Variants in SMIM18 observed in about 807,000 individuals in gnomAD.
The protein encoded by SMIM18 is small integral membrane protein 18.
In SMIM18, 4 loss-of-function variants were observed where a neutral mutation model predicts 5.9. That is an observed-to-expected ratio of 0.68 (90% CI 0.33 to 1.56). The LOEUF (loss-of-function observed/expected upper bound fraction) is 1.56, where lower values mean the gene tolerates loss of function less well. Ranked by LOEUF, SMIM18 falls within the 40% of genes most tolerant of loss-of-function variation. The pLI is 0.06. For synonymous variants in SMIM18, 37 were observed against 37.4 expected (o/e 0.99, Z 0.04); for missense variants, 89 against 109.7 (o/e 0.81, Z 0.84).
At chr8:30,643,153 T>C (rs553608706) in intron 1 of SMIM18, among the ~76,000 whole-genome samples, 1 of 152,046 alleles carries the variant, frequency 6.6e-6, no homozygotes, top group Non-Finnish European at 1.5e-5. Context: ...AACAAAAAAA[T>C]TTAAGGAATT....
chr8:30,644,033 TTC>T (rs772527724), intron 1 of SMIM18, among the ~76,000 whole-genome samples: 54 of 152,340 alleles, frequency 3.5e-4, no homozygotes, highest in Non-Finnish European at 3.5e-4. Flanking sequence ...ACTACATTTT[TTC>T]TCTTATTTCC....
intron 2 of SMIM18, among the ~76,000 whole-genome samples, chr8:30,644,851 A>C (rs929627597): frequency 1.3e-5 from 2 of 151,880 alleles, no homozygotes; most frequent in Non-Finnish European, 2.9e-5. Flanking sequence ...CCCTGGCTCA[A>C]GCAATCTTCC....
At chr8:30,639,274 T>C (rs16877230) in intron 1 of SMIM18, among the ~76,000 whole-genome samples, 260 of 152,320 alleles carry the variant, frequency 1.7e-3, no homozygotes, top group African/African-American at 6.0e-3. Flanking sequence ...AGATAATTTA[T>C]ACAGCTTCAG....
intron 2 of SMIM18, 93 bp downstream of exon 2, chr8:30,644,665 A>T (rs547075794): frequency 1.3e-5 from 2 of 152,342 alleles, no homozygotes; most frequent in South Asian, 4.1e-4. Flanking sequence ...TGTAGATAAC[A>T]GCTCACTGAC....
chr8:30,645,276 T>A lies in SMIM18; in HGVS notation c.-29-5T>A. On this transcript the variant is annotated splice_polypyrimidine_tract_variant and splice_region_variant and intron_variant, in intron 2 of 2. Transcript: ENST00000517349. The stretch of plus-strand genomic sequence containing the variant: ...ACATAAATTCATTTTCTACCTTTTT[T>A]ATAGATTCAAAAGAGCAAGTGGAAT... 1 of 1,508,130 alleles carries A rather than the reference T, an allele frequency of 6.6e-7. No homozygotes were observed. Among genetic ancestry groups the A allele is most frequent in the Non-Finnish European group, 8.8e-7 (1 of 1,136,416 alleles). 93.4% of individuals were successfully genotyped at this position (1,508,130 alleles called of 1,614,324 possible). A position where few individuals can be genotyped will look rare whatever the true frequency, so the allele number is the denominator to read the frequency against.
chr8:30,644,686 A>G (rs956713047), intron 2 of SMIM18, 114 bp downstream of exon 2: 2 of 152,250 alleles, frequency 1.3e-5, no homozygotes, highest in Non-Finnish European at 2.9e-5. Context: ...CACTGCTTTA[A>G]TCAAGTTTTA....
In SMIM18 at chr8:30,645,963, G is replaced by A. The variant is rs886661789; in HGVS notation, c.*366G>A. 1 of 168,736 alleles carries A rather than the reference G, an allele frequency of 5.9e-6. No homozygotes were observed. Among genetic ancestry groups the A allele is most frequent in the Admixed American group, 6.1e-5 (1 of 16,410 alleles). The allele number at this position is 168,736 out of a possible 1,614,324, so 10.5% of individuals were successfully genotyped here. On this transcript the variant is annotated 3_prime_UTR_variant, in exon 3 of 3. Transcript: ENST00000517349. ...AATTCATGTAGACAAAAAATAGTGT[G>A]TTGGTAACAAAAAGGCTATTTAAAA...
intron 1 of SMIM18, among the ~76,000 whole-genome samples, chr8:30,639,867 T>C (rs1801752572): frequency 6.6e-6 from 1 of 152,074 alleles, no homozygotes. Context: ...TGTAATAAGA[T>C]ACTAGATCTG....
At chr8:30,642,470 T>C (rs1801880547) in intron 1 of SMIM18, among the ~76,000 whole-genome samples, 1 of 152,174 alleles carries the variant, frequency 6.6e-6, no homozygotes, top group Non-Finnish European at 1.5e-5. Flanking sequence ...ATAGATGATT[T>C]ACTTTGGTTT....
chr8:30,645,586 G>A lies in SMIM18; in HGVS notation c.277G>A (p.Glu93Lys). ...GGACAACATCAGAAAACGTGAAACTGAAGTGGTCTAACACTCTATAGAAGA... is the reference window on the plus strand; with the variant it reads ...GGACAACATCAGAAAACGTGAAACTAAAGTGGTCTAACACTCTATAGAAGA... ...MMDNIRKRET[E>K]VV The change falls in exon 3 of 3, where the codon GAA becomes AAA. Residue 93 changes from glutamate (E) to lysine (K), a missense_variant. Coordinates refer to ENST00000517349, the MANE Select transcript of SMIM18 (RefSeq NM_001206847.2). 2.0e-6 allele frequency: 3 copies of A among 1,535,546 alleles called. No individual in the cohort carries two copies. Among genetic ancestry groups the A allele is most frequent in the Non-Finnish European group, 2.6e-6 (3 of 1,146,852 alleles).
chr8:30,645,364 T>C lies in SMIM18; in HGVS notation c.55T>C (p.Phe19Leu). 6.5e-7 allele frequency: 1 copy of C among 1,535,686 alleles called. No individual in the cohort carries two copies. The highest frequency in any genetic ancestry group is 8.7e-7 in the Non-Finnish European group (1 of 1,146,902). The change falls in exon 3 of 3, where the codon TTT (phenylalanine) becomes CTT (leucine). Residue 19 changes from phenylalanine (F) to leucine (L), a missense_variant. Coordinates refer to ENST00000517349, the MANE Select transcript of SMIM18 (RefSeq NM_001206847.2). The part of the protein sequence containing the change: ...TTTSVYQYLG[F>L]QVQKIYPFHD... The stretch of plus-strand genomic sequence containing the variant: ...TACCTCTGTTTATCAGTACCTTGGT[T>C]TTCAAGTTCAAAAAATTTACCCTTT...
intron 1 of SMIM18, among the ~76,000 whole-genome samples, chr8:30,640,530 T>A (rs368370279): frequency 6.6e-6 from 1 of 152,218 alleles, no homozygotes; most frequent in Non-Finnish European, 1.5e-5. Context: ...CCCATTCCTG[T>A]AATCAAATTT....
At chr8:30,645,190 T>C in intron 2 of SMIM18, 91 bp from the exon 3 acceptor site, 5 of 1,097,708 alleles carry the variant, frequency 4.6e-6, no homozygotes, top group Non-Finnish European at 6.3e-6. Context: ...TCATGTTGCC[T>C]ATACAAATTT....
chr8:30,643,746 C>T (rs1022670525), intron 1 of SMIM18: 10 of 150,654 alleles, frequency 6.6e-5, no homozygotes, highest in African/African-American at 2.4e-4. Flanking sequence ...AAGATTTCTT[C>T]AGAGAGTAAT....
chr8:30,642,296 CA>C (rs33951211), intron 1 of SMIM18, among the ~76,000 whole-genome samples: 36 of 129,842 alleles, frequency 2.8e-4, no homozygotes, highest in Admixed American at 6.4e-4. Flanking sequence ...GGAGAAAAGC[CA>C]AAAAAAAAAA....
At chr8:30,645,147 A>C in intron 2 of SMIM18, 134 bp from the exon 3 acceptor site, 1 of 799,972 alleles carries the variant, frequency 1.3e-6, no homozygotes, top group Non-Finnish European at 1.9e-6. Flanking sequence ...AAAAAAATTC[A>C]AAACTACCAT....
In SMIM18 at chr8:30,645,803, G is replaced by T; in HGVS notation, c.*206G>T. ...ATATACAGTAAAACTTCATGAATGT[G>T]AATTTACTAATCTGTTTAATACTGA... On this transcript the variant is annotated 3_prime_UTR_variant, in exon 3 of 3. Coordinates refer to ENST00000517349, the MANE Select transcript of SMIM18 (RefSeq NM_001206847.2). The T allele has an allele frequency of 1.9e-6, 1 of 537,912 alleles. No individual in the cohort carries two copies. The allele number at this position is 537,912 out of a possible 1,614,324, so 33.3% of individuals were successfully genotyped here. A position where few individuals can be genotyped will look rare whatever the true frequency, so the allele number is the denominator to read the frequency against.
chr8:30,645,729 GAA>G lies in SMIM18; in HGVS notation c.*139_*140del. On this transcript the variant is annotated 3_prime_UTR_variant, in exon 3 of 3. Transcript: ENST00000517349. Reference sequence around the variant, plus strand: ...GGTTAAAACATTTCTAGTAGAAGGGGAAAAAAAAGTTAAACATGCACTGTTTG... The same window carrying G: ...GGTTAAAACATTTCTAGTAGAAGGGGAAAAAAGTTAAACATGCACTGTTTG... The G allele has an allele frequency of 1.1e-6, 1 of 911,886 alleles. No homozygotes were observed. The highest frequency in any genetic ancestry group is 1.6e-6 in the Non-Finnish European group (1 of 625,494). 56.5% of individuals were successfully genotyped at this position (911,886 alleles called of 1,614,324 possible).
At position 30,645,270 on chromosome 8, in the gene SMIM18, C is replaced by CT; in HGVS notation, c.-29-5dup. ...TTTGCTACATAAATTCATTTTCTACCTTTTTTATAGATTCAAAAGAGCAAG... is the reference window on the plus strand; with the variant it reads ...TTTGCTACATAAATTCATTTTCTACCTTTTTTTATAGATTCAAAAGAGCAAG... On this transcript the variant is annotated splice_polypyrimidine_tract_variant and intron_variant, in intron 2 of 2. Transcript: ENST00000517349. 6.7e-7 allele frequency: 1 copy of CT among 1,500,308 alleles called. No individual in the cohort carries two copies. The highest frequency in any genetic ancestry group is 8.8e-7 in the Non-Finnish European group (1 of 1,132,804). 92.9% of individuals were successfully genotyped at this position (1,500,308 alleles called of 1,614,324 possible). A position where few individuals can be genotyped will look rare whatever the true frequency, so the allele number is the denominator to read the frequency against.
Sources: allele counts gnomAD v4.1 joint callset (sites outside exome capture counted in the v4.1 genomes callset), GRCh38; gene constraint gnomAD v4.1.1; transcripts MANE v1.5; gene names NCBI Gene and HGNC (gene_info 2026-07-23, HGNC 2026-07-21).